Variants in L3MBTL4 observed in about 807,000 individuals in gnomAD.
The protein encoded by L3MBTL4 is L3MBTL histone methyl-lysine binding protein 4, also known as lethal(3)malignant brain tumor-like protein 4.
L3MBTL4 carries 70 observed loss-of-function variants against 84.5 expected under a neutral mutation model. The observed-to-expected ratio is 0.83, with a 90% CI of 0.68 to 1.01. The LOEUF (loss-of-function observed/expected upper bound fraction) is 1.01, where lower values mean the gene tolerates loss of function less well. L3MBTL4 is among the 50% of genes least tolerant of loss of function. The pLI, the probability that L3MBTL4 is intolerant of heterozygous loss-of-function variation, is 0.00. For missense variants in L3MBTL4, 715 were observed against 754.8 expected (o/e 0.95, Z 0.62); for synonymous variants, 274 against 259.8 (o/e 1.05, Z -0.52).
intron 13 of L3MBTL4, among the ~76,000 whole-genome samples, chr18:6,144,056 G>T (rs1160943568): frequency 6.6e-6 from 1 of 151,894 alleles, no homozygotes; most frequent in Non-Finnish European, 1.5e-5. Context: ...AATTGGCTGG[G>T]CATGGTGGCA....
chr18:6,045,246 A>C (rs2056564767), intron 16 of L3MBTL4, among the ~76,000 whole-genome samples: 1 of 152,222 alleles, frequency 6.6e-6, no homozygotes. Context: ...CTCTTAAGTA[A>C]AAGATATTTC....
At chr18:6,281,484 A>G (rs1244730259) in intron 4 of L3MBTL4, among the ~76,000 whole-genome samples, 1 of 152,232 alleles carries the variant, frequency 6.6e-6, no homozygotes, top group East Asian at 1.9e-4. Context: ...TCAGGTAACC[A>G]TTTTAAACAT....
At chr18:6,035,559 G>A (rs1429325243) in intron 16 of L3MBTL4, among the ~76,000 whole-genome samples, 6 of 152,152 alleles carry the variant, frequency 3.9e-5, no homozygotes, top group Non-Finnish European at 8.8e-5. Context: ...TAGCCTTGTA[G>A]TATAGTTTGA....
At position 5,997,480 on chromosome 18, in the gene L3MBTL4, A is replaced by G. The variant is rs532356756; in HGVS notation, c.1445-27918T>C. Among the ~76,000 whole-genome samples, 82 of 152,314 alleles carry G rather than the reference A, an allele frequency of 5.4e-4. 1 individual carries two copies. Among genetic ancestry groups the G allele is most frequent in the South Asian group, 1.7e-3 (8 of 4,820 alleles). On this transcript the variant is annotated intron_variant, in intron 16 of 18. Transcript: ENST00000317931. ...CTTCCTCAGCCCTGTGGTTTCACTG[A>G]ACCAGAACAAGGCATAAGTGACTAT... is the stretch of plus-strand genomic sequence containing the variant.
intron 1 of L3MBTL4, among the ~76,000 whole-genome samples, chr18:6,384,952 T>C (rs1389116503): frequency 6.6e-6 from 1 of 151,914 alleles, no homozygotes; most frequent in Non-Finnish European, 1.5e-5. Flanking sequence ...CTGCCAGCCT[T>C]GGAAAGAAGG....
At chr18:6,240,513 C>G (rs892457007) in intron 8 of L3MBTL4, among the ~76,000 whole-genome samples, 2 of 151,754 alleles carry the variant, frequency 1.3e-5, no homozygotes, top group Non-Finnish European at 1.5e-5. Context: ...CTATGATTTA[C>G]AATAACATAA....
At chr18:5,989,400 A>G (rs1284557192) in intron 16 of L3MBTL4, among the ~76,000 whole-genome samples, 1 of 141,574 alleles carries the variant, frequency 7.1e-6, no homozygotes, top group African/African-American at 3.0e-5. Context: ...GGAAAGTTTT[A>G]TTTTTTAAAC....
intron 5 of L3MBTL4, among the ~76,000 whole-genome samples, chr18:6,261,400 A>G (rs551679575): frequency 2.0e-5 from 3 of 152,192 alleles, no homozygotes; most frequent in Admixed American, 6.5e-5. Context: ...AGAGTTCAAA[A>G]GCTTGAGAAA....
intron 3 of L3MBTL4, among the ~76,000 whole-genome samples, chr18:6,308,890 T>C (rs1304900348): frequency 6.6e-6 from 1 of 152,212 alleles, no homozygotes; most frequent in Non-Finnish European, 1.5e-5. Context: ...TCTGTACTGT[T>C]TTATTTTTTA....
rs538598852 is a variant in L3MBTL4 at position 5,971,459 on chromosome 18, TC to T, written c.1445-1898del. ...TGGACTTAAACTCAACATATATGTA[TC>T]TCAAACTCATGCCCTGGGTAAATTA... is the stretch of plus-strand genomic sequence containing the variant. On this transcript the variant is annotated intron_variant, in intron 16 of 18. Coordinates refer to ENST00000317931, the MANE Select transcript of L3MBTL4 (RefSeq NM_001330559.2). Among the ~76,000 whole-genome samples, 244 of 152,346 alleles carry T rather than the reference TC, an allele frequency of 1.6e-3. 1 individual carries two copies. The highest frequency in any genetic ancestry group is 2.5e-3 in the Non-Finnish European group (172 of 68,044).
chr18:6,175,589 A>G (rs1369327014), intron 12 of L3MBTL4, among the ~76,000 whole-genome samples: 3 of 152,224 alleles, frequency 2.0e-5, no homozygotes, highest in South Asian at 2.1e-4. Flanking sequence ...AAGAAAAGTA[A>G]TGTGGTCATC....
chr18:6,278,731 G>A (rs943997663), intron 4 of L3MBTL4, among the ~76,000 whole-genome samples: 1 of 151,972 alleles, frequency 6.6e-6, no homozygotes, highest in Admixed American at 6.6e-5. Context: ...TCTTCTACTG[G>A]TCTATTCAAA....
intron 13 of L3MBTL4, among the ~76,000 whole-genome samples, chr18:6,144,304 G>A (rs1018301689): frequency 6.6e-6 from 1 of 151,224 alleles, no homozygotes; most frequent in Non-Finnish European, 1.5e-5. Flanking sequence ...TCAGAGCTCA[G>A]CTTGTCTGAA....
intron 1 of L3MBTL4, among the ~76,000 whole-genome samples, chr18:6,399,288 A>T (rs185580484): frequency 6.5e-4 from 99 of 152,080 alleles, no homozygotes; most frequent in African/African-American, 2.3e-3. Flanking sequence ...AAATACATAA[A>T]TTACCCGGGT....
At chr18:6,061,250 T>C (rs1598603796) in intron 16 of L3MBTL4, among the ~76,000 whole-genome samples, 1 of 152,238 alleles carries the variant, frequency 6.6e-6, no homozygotes, top group East Asian at 1.9e-4. Context: ...CCAAGTGATA[T>C]ATGATGTTGA....
chr18:6,338,917 C>T (rs1266233625), intron 1 of L3MBTL4, among the ~76,000 whole-genome samples: 1 of 152,062 alleles, frequency 6.6e-6, no homozygotes, highest in Non-Finnish European at 1.5e-5. Flanking sequence ...TAAAAGAACA[C>T]CTCATAAGTA....
intron 1 of L3MBTL4, among the ~76,000 whole-genome samples, chr18:6,328,512 T>C (rs2051845936): frequency 6.6e-6 from 1 of 152,220 alleles, no homozygotes; most frequent in Non-Finnish European, 1.5e-5. Flanking sequence ...ATATCTTTAA[T>C]ACACTGGCAC....
chr18:6,361,904 C>G (rs78260057), intron 1 of L3MBTL4, among the ~76,000 whole-genome samples: 3 of 151,906 alleles, frequency 2.0e-5, no homozygotes, highest in East Asian at 3.9e-4. Context: ...CCGCTTGACT[C>G]CAAGAGTTTG....
chr18:6,408,792 C>T (rs970112217), intron 1 of L3MBTL4, among the ~76,000 whole-genome samples: 1 of 152,028 alleles, frequency 6.6e-6, no homozygotes, highest in South Asian at 2.1e-4. Context: ...AGCGATTCTC[C>T]TGCCTCAGCC....
Sources: allele counts gnomAD v4.1 joint callset (sites outside exome capture counted in the v4.1 genomes callset), GRCh38; gene constraint gnomAD v4.1.1; transcripts MANE v1.5; gene names NCBI Gene and HGNC (gene_info 2026-07-23, HGNC 2026-07-21).